The following TFAP2E variants were observed in gnomAD, a reference collection of about 807,000 sequenced individuals.
TFAP2E encodes the protein transcription factor AP-2 epsilon, also known as transcription factor AP-2-epsilon.
In TFAP2E, 30 loss-of-function variants were observed where a neutral mutation model predicts 37.9. The ratio of observed to expected loss-of-function variants is 0.79; its 90% CI spans 0.59 to 1.07. TFAP2E has a LOEUF of 1.07. Ranked by LOEUF, TFAP2E falls within the 50% of genes least tolerant of loss-of-function variation. The pLI is 0.00. For missense variants in TFAP2E, 567 were observed against 637.9 expected, an observed-to-expected ratio of 0.89 and a Z score of 1.20; for synonymous variants, 318 against 295.8, an observed-to-expected ratio of 1.08 and a Z score of -0.77.
chr1:35,573,699 T>C lies in TFAP2E; in HGVS notation c.27+95T>C. On this transcript the variant is annotated intron_variant, in intron 1 of 6. Transcript: ENST00000373235. This position sits in a 1 kb window ranked among gnomAD's most constrained non-coding sequence, Gnocchi z 5.9. ...CCTCCTGTCCCGCGCTAACGAAATC[T>C]CGGAGGGAGGGGGCCGCAGGGACTT... is the stretch of plus-strand genomic sequence containing the variant. The C allele has an allele frequency of 6.7e-7, 1 of 1,491,730 alleles. No homozygotes were observed. Among genetic ancestry groups the C allele is most frequent in the Non-Finnish European group, 9.0e-7 (1 of 1,115,506 alleles). The allele number at this position is 1,491,730 out of a possible 1,614,324, so 92.4% of individuals were successfully genotyped here. A position where few individuals can be genotyped will look rare whatever the true frequency, so the allele number is the denominator to read the frequency against.
chr1:35,575,115 A>G, intron 3 of TFAP2E, 115 bp downstream of exon 3: 4 of 1,350,230 alleles, frequency 3.0e-6, no homozygotes, highest in Non-Finnish European at 4.2e-6. Context: ...GGTGTCCACC[A>G]GGCACTCTTC....
chr1:35,591,993 A>G (rs1420332188), intron 6 of TFAP2E, among the ~76,000 whole-genome samples: 3 of 152,074 alleles, frequency 2.0e-5, no homozygotes, highest in Admixed American at 6.5e-5. Flanking sequence ...CGGCCCCAAG[A>G]TTTAGTTTTT....
At chr1:35,585,402 C>A (rs1374339337) in intron 3 of TFAP2E, among the ~76,000 whole-genome samples, 1 of 152,198 alleles carries the variant, frequency 6.6e-6, no homozygotes, top group Admixed American at 6.5e-5. Context: ...GCCCCTCTAG[C>A]CTGCCAACCT....
chr1:35,594,408 A>G lies in TFAP2E; in HGVS notation c.1061A>G (p.Glu354Gly). 6.2e-7 allele frequency: 1 copy of G among 1,613,400 alleles called. No homozygotes were observed. Among genetic ancestry groups the G allele is most frequent in the Non-Finnish European group, 8.5e-7 (1 of 1,179,870 alleles). ...TCTCGCACCAGGCAGATCTGCAAGG[A>G]GTTTGCAGACTTGATGGCTCAGGAC... The part of the protein sequence containing the change: ...MLLAAKQICK[E>G]FADLMAQDRS... Residue 354 changes from glutamate (E) to glycine (G), a missense_variant, in exon 7 of 7, where the codon GAG becomes GGG. Transcript: ENST00000373235.
At position 35,573,554 on chromosome 1, in the gene TFAP2E, C is replaced by G. The variant is rs1240599087; in HGVS notation, c.-24C>G. On this transcript the variant is annotated 5_prime_UTR_variant, in exon 1 of 7. Transcript: ENST00000373235. This position sits in a 1 kb window ranked among gnomAD's most constrained non-coding sequence, Gnocchi z 5.9. ...GGCTAGGGCTCCGCCGCCGCCACGC[C>G]TCGCGCCCGGCACTCACCGCCCCAT... 3 of 1,516,144 alleles carry G rather than the reference C, an allele frequency of 2.0e-6. No individual in the cohort carries two copies. The highest frequency in any genetic ancestry group is 2.6e-6 in the Non-Finnish European group (3 of 1,133,222). 93.9% of individuals were successfully genotyped at this position (1,516,144 alleles called of 1,614,324 possible).
At chr1:35,578,379 G>C (rs1360743495) in intron 3 of TFAP2E, among the ~76,000 whole-genome samples, 1 of 150,928 alleles carries the variant, frequency 6.6e-6, no homozygotes, top group Admixed American at 6.6e-5. Flanking sequence ...AGTGAGCCAA[G>C]ATCGCGCCAC....
At chr1:35,585,710 A>G (rs952454560) in intron 3 of TFAP2E, among the ~76,000 whole-genome samples, 2 of 152,116 alleles carry the variant, frequency 1.3e-5, no homozygotes, top group Non-Finnish European at 2.9e-5. Context: ...ATTATTTACT[A>G]TTATATTGAT....
intron 3 of TFAP2E, among the ~76,000 whole-genome samples, chr1:35,582,272 A>G (rs1356154088): frequency 2.0e-5 from 3 of 152,080 alleles, no homozygotes; most frequent in Non-Finnish European, 4.4e-5. Flanking sequence ...TTTTTCATGT[A>G]CTTATTTAAC....
Position 35,588,969 on chromosome 1 carries a change from T to A in TFAP2E, c.785+417T>A, listed in dbSNP as rs552728723. On this transcript the variant is annotated intron_variant, in intron 4 of 6. Coordinates refer to ENST00000373235, the MANE Select transcript of TFAP2E (RefSeq NM_178548.4). The surrounding 1 kb of genome is among the most constrained non-coding windows in gnomAD (Gnocchi z 5.1). ...GAGCATGGTAGTCCATGGTTCATCT[T>A]CCTAGACCTGTGTCTCTCTCTCTCT... Among the ~76,000 whole-genome samples the A allele has an allele frequency of 2.0e-5, 3 of 152,278 alleles. No individual in the cohort carries two copies. The East Asian group carries it at 5.8e-4, about 29-fold the overall frequency.
chr1:35,588,549 G>T lies in TFAP2E; in HGVS notation c.782G>T (p.Arg261Leu), dbSNP rs562706714. ...LNASLLGGVL[R>L]RAKSKNGGRC... ...GCCTCCCTCCTGGGGGGTGTCCTCC[G>T]CAGGTAGGAAGGCCAGCCCACAATT... is the stretch of plus-strand genomic sequence containing the variant. Residue 261 changes from arginine (R) to leucine (L), a missense_variant, in exon 4 of 7, where the codon CGC (arginine) becomes CTC (leucine). This residue lies in a region of TFAP2E where 252 missense variants were observed against 302.6 expected (regional missense o/e 0.83). Transcript: ENST00000373235. This position sits in a 1 kb window ranked among gnomAD's most constrained non-coding sequence, Gnocchi z 5.1. 1.3e-6 allele frequency: 2 copies of T among 1,573,746 alleles called. No individual in the cohort carries two copies. Among genetic ancestry groups the T allele is most frequent in the Non-Finnish European group, 1.7e-6 (2 of 1,157,474 alleles).
rs760163772 is a variant in TFAP2E, at chr1:35,590,482, G to C, written c.905-152G>C. The C allele has an allele frequency of 4.2e-5, 42 of 990,140 alleles. No individual in the cohort carries two copies. Among genetic ancestry groups the C allele is most frequent in the Middle Eastern group, 3.4e-4 (1 of 2,946 alleles). 61.3% of individuals were successfully genotyped at this position (990,140 alleles called of 1,614,324 possible). ...GGCCCCAAGGTGGGGCAATGGAATG[G>C]GGGCTGGAGCTGGGCTGGGAAGGAA... On this transcript the variant is annotated intron_variant, in intron 5 of 6. Transcript: ENST00000373235. This position sits in a 1 kb window ranked among gnomAD's most constrained non-coding sequence, Gnocchi z 6.2.
rs756669029 is a variant in TFAP2E, at chr1:35,588,566, C to G, written c.785+14C>G. 2 of 1,553,424 alleles carry G rather than the reference C, an allele frequency of 1.3e-6. No individual in the cohort carries two copies. The highest frequency in any genetic ancestry group is 4.5e-5 in the East Asian group (2 of 44,184). On this transcript the variant is annotated intron_variant, in intron 4 of 6. Transcript: ENST00000373235. The surrounding 1 kb of genome is among the most constrained non-coding windows in gnomAD (Gnocchi z 5.1). The stretch of plus-strand genomic sequence containing the variant: ...TGTCCTCCGCAGGTAGGAAGGCCAG[C>G]CCACAATTCCCCGCCTGATTGGATC...
At chr1:35,591,243 T>A (rs1649664539) in intron 6 of TFAP2E, among the ~76,000 whole-genome samples, 1 of 152,168 alleles carries the variant, frequency 6.6e-6, no homozygotes, top group African/African-American at 2.4e-5. Flanking sequence ...AGACACTACA[T>A]GTGAACATAT....
At position 35,594,863 on chromosome 1, in the gene TFAP2E, G is replaced by A; in HGVS notation, c.*187G>A. On this transcript the variant is annotated 3_prime_UTR_variant, in exon 7 of 7. Coordinates refer to ENST00000373235, the MANE Select transcript of TFAP2E (RefSeq NM_178548.4). The stretch of plus-strand genomic sequence containing the variant: ...GAGGGTGGCCTCTCTGTGGTGGTGT[G>A]TTGGTAAGTTAAGGGCCCAGGTATT... 5.0e-6 allele frequency: 4 copies of A among 800,168 alleles called. No homozygotes were observed. Among genetic ancestry groups the A allele is most frequent in the Non-Finnish European group, 7.7e-6 (4 of 517,306 alleles). 49.6% of individuals were successfully genotyped at this position (800,168 alleles called of 1,614,324 possible).
At chr1:35,586,087 T>C (rs775574023) in intron 3 of TFAP2E, among the ~76,000 whole-genome samples, 3 of 152,018 alleles carry the variant, frequency 2.0e-5, no homozygotes, top group Non-Finnish European at 4.4e-5. Flanking sequence ...TGTAAATGTA[T>C]ACATGTGGCT....
rs1649645084 is a variant in TFAP2E, at chr1:35,590,849, C to T, written c.1046+74C>T. 1 of 1,323,878 alleles carries T rather than the reference C, an allele frequency of 7.6e-7. No homozygotes were observed. The highest frequency in any genetic ancestry group is 2.8e-5 in the East Asian group (1 of 35,734). 82.0% of individuals were successfully genotyped at this position (1,323,878 alleles called of 1,614,324 possible). ...AGACATCATGTATGGGCACAATGGA[C>T]ACCACTGTGTACATGAGCAGTGGGC... is the stretch of plus-strand genomic sequence containing the variant. On this transcript the variant is annotated intron_variant, in intron 6 of 6. Coordinates refer to ENST00000373235, the MANE Select transcript of TFAP2E (RefSeq NM_178548.4). The surrounding 1 kb of genome is among the most constrained non-coding windows in gnomAD (Gnocchi z 6.2).
chr1:35,576,423 C>G (rs971072390), intron 3 of TFAP2E, among the ~76,000 whole-genome samples: 3 of 152,104 alleles, frequency 2.0e-5, no homozygotes, highest in South Asian at 2.1e-4. Flanking sequence ...CTGTACAGAG[C>G]CTTTCTTGAC....
Position 35,594,234 on chromosome 1 carries a change from A to C in TFAP2E, c.1047-160A>C, listed in dbSNP as rs191002683. 1.5e-4 allele frequency among the ~76,000 whole-genome samples: 23 copies of C among 152,362 alleles called. No individual in the cohort carries two copies. The East Asian group carries it at 4.0e-3, about 27-fold the overall frequency. On this transcript the variant is annotated intron_variant, in intron 6 of 6. Coordinates refer to ENST00000373235, the MANE Select transcript of TFAP2E (RefSeq NM_178548.4). ...TAGTCAAATGACTTCTCTGAACCTT[A>C]GTTTCCTTTTCTGTAAAAAACAGTA...
intron 6 of TFAP2E, 146 bp from the exon 7 acceptor site, chr1:35,594,248 T>C: frequency 9.6e-7 from 1 of 1,039,078 alleles, no homozygotes. Context: ...TCCTTTTCTG[T>C]AAAAAACAGT....
Sources: allele counts gnomAD v4.1 joint callset (sites outside exome capture counted in the v4.1 genomes callset), GRCh38; gene constraint gnomAD v4.1.1; regional missense constraint gnomAD v4.1.1; non-coding constraint Gnocchi (gnomAD v3.1); transcripts MANE v1.5; gene names NCBI Gene and HGNC (gene_info 2026-07-23, HGNC 2026-07-21).